CFAP47: variants seen among roughly 807,000 people sequenced by gnomAD.
CFAP47 encodes cilia- and flagella-associated protein 47.
CFAP47 carries 29 observed loss-of-function variants against 148.1 expected under a neutral mutation model. That is an observed-to-expected ratio of 0.20 (90% CI 0.15 to 0.27). The LOEUF (loss-of-function observed/expected upper bound fraction) is 0.27, where lower values mean the gene tolerates loss of function less well. CFAP47 is among the 10% of genes least tolerant of loss of function. The pLI, the probability that CFAP47 is intolerant of heterozygous loss-of-function variation, is 1.00. For synonymous variants in CFAP47, 664 were observed against 577.3 expected (o/e 1.15, Z -2.15); for missense variants, 1,872 against 1,697.5 (o/e 1.10, Z -1.81).
chrX:35,982,076 T>C (rs1936653363), intron 15 of CFAP47, among the ~76,000 whole-genome samples: 3 of 112,016 alleles, frequency 2.7e-5, no homozygotes, highest in African/African-American at 6.5e-5. Context: ...TTTTAAATTA[T>C]TGGAGAAATA....
intron 44 of CFAP47, among the ~76,000 whole-genome samples, chrX:36,203,509 G>A (rs1940004831): frequency 1.8e-5 from 2 of 111,623 alleles, no homozygotes; most frequent in African/African-American, 6.5e-5. Flanking sequence ...TTGGAACGCA[G>A]CATATGTGTT....
intron 59 of CFAP47, among the ~76,000 whole-genome samples, 176 bp downstream of exon 59, chrX:36,350,308 A>G (rs1329636000): frequency 8.9e-6 from 1 of 111,778 alleles, no homozygotes; most frequent in African/African-American, 3.3e-5. Context: ...GTTTTCCACA[A>G]AACCACACTA....
At chrX:36,155,278 A>C (rs2146846007) in intron 37 of CFAP47, among the ~76,000 whole-genome samples, 1 of 111,581 alleles carries the variant, frequency 9.0e-6, no homozygotes, top group South Asian at 3.8e-4. Flanking sequence ...TTCCCTGTTA[A>C]AAGATTCGCT....
At chrX:36,334,790 C>T (rs1941591348) in intron 57 of CFAP47, among the ~76,000 whole-genome samples, 1 of 111,062 alleles carries the variant, frequency 9.0e-6, no homozygotes, top group African/African-American at 3.3e-5. Context: ...TAGGATATCA[C>T]ACTATCCTAG....
chrX:36,360,708 T>C (rs2064680755), intron 60 of CFAP47, among the ~76,000 whole-genome samples: 1 of 112,027 alleles, frequency 8.9e-6, no homozygotes, highest in South Asian at 3.7e-4. Context: ...ACATGCTAGC[T>C]CTGGATTTAA....
intron 27 of CFAP47, among the ~76,000 whole-genome samples, chrX:36,066,092 A>G (rs1027168049): frequency 8.9e-6 from 1 of 111,882 alleles, no homozygotes; most frequent in African/African-American, 3.2e-5. Flanking sequence ...AAAGGGAACA[A>G]TTCTTGGGAT....
chrX:35,996,242 T>C (rs1302074346), intron 18 of CFAP47, among the ~76,000 whole-genome samples: 2 of 111,450 alleles, frequency 1.8e-5, no homozygotes, highest in African/African-American at 6.5e-5. Flanking sequence ...CACATCAATT[T>C]GTAATTTTCT....
intron 62 of CFAP47, among the ~76,000 whole-genome samples, chrX:36,369,351 A>G (rs1042766582): frequency 1.8e-5 from 2 of 111,115 alleles, no homozygotes; most frequent in African/African-American, 6.5e-5. Flanking sequence ...AAATCTCAAT[A>G]GGGTATTTTC....
intron 35 of CFAP47, chrX:36,144,506 G>A (rs1405303851): frequency 2.1e-6 from 2 of 969,313 alleles, no homozygotes; most frequent in African/African-American, 2.0e-5. Flanking sequence ...AATATTAGGT[G>A]TCAACTTGAC....
chrX:36,054,293 C>T (rs1338581064), intron 26 of CFAP47, among the ~76,000 whole-genome samples: 2 of 112,133 alleles, frequency 1.8e-5, no homozygotes, highest in Non-Finnish European at 3.8e-5. Context: ...ATTAGTTATC[C>T]ATAAGTGTTG....
chrX:36,160,590 C>A (rs183785021), intron 38 of CFAP47, 91 bp from the exon 39 acceptor site: 6 of 270,939 alleles, frequency 2.2e-5, no homozygotes, highest in Non-Finnish European at 3.9e-5. Context: ...ATTAAATGGA[C>A]GGTTTATAGA....
At chrX:36,177,608 T>C (rs941833391) in intron 39 of CFAP47, among the ~76,000 whole-genome samples, 2 of 112,175 alleles carry the variant, frequency 1.8e-5, no homozygotes, top group Non-Finnish European at 3.8e-5. Context: ...AAGTTCACAG[T>C]TTACATTTTA....
intron 8 of CFAP47, among the ~76,000 whole-genome samples, chrX:35,965,625 T>G (rs889953897): frequency 1.3e-4 from 15 of 111,765 alleles, no homozygotes; most frequent in African/African-American, 4.9e-4. Flanking sequence ...TACTGAGAAG[T>G]TAAAAAAGTG....
At chrX:36,230,624 A>G (rs1255727399) in intron 46 of CFAP47, among the ~76,000 whole-genome samples, 42 of 109,174 alleles carry the variant, frequency 3.8e-4, no homozygotes, top group Non-Finnish European at 6.1e-4. Flanking sequence ...ATTAGATCCC[A>G]TTTGTCAATT....
At chrX:36,131,501 A>C (rs1255366762) in intron 33 of CFAP47, among the ~76,000 whole-genome samples, 2 of 111,566 alleles carry the variant, frequency 1.8e-5, no homozygotes, top group African/African-American at 3.2e-5. Flanking sequence ...AATATGATTC[A>C]ACAATTCCAC....
intron 56 of CFAP47, among the ~76,000 whole-genome samples, chrX:36,315,970 A>G (rs782221433): frequency 1.8e-5 from 2 of 111,601 alleles, no homozygotes; most frequent in East Asian, 5.6e-4. Flanking sequence ...TTGGCGTTAT[A>G]TCTGTTTTAA....
intron 40 of CFAP47, 131 bp from the exon 41 acceptor site, chrX:36,188,489 G>T: frequency 3.6e-6 from 1 of 280,825 alleles, no homozygotes; most frequent in Non-Finnish European, 6.3e-6. Context: ...TTTGAAATAT[G>T]TCTATGGTCT....
intron 21 of CFAP47, among the ~76,000 whole-genome samples, chrX:36,010,954 G>T (rs1937033041): frequency 9.0e-6 from 1 of 111,149 alleles, no homozygotes; most frequent in Admixed American, 9.5e-5. Flanking sequence ...TGTTTTGTTG[G>T]TTATTGAATA....
intron 21 of CFAP47, among the ~76,000 whole-genome samples, chrX:36,009,499 T>G (rs1721099062): frequency 8.9e-6 from 1 of 112,175 alleles, no homozygotes; most frequent in African/African-American, 3.2e-5. Context: ...ATACTACATC[T>G]TTATGCAATT....
Sources: allele counts gnomAD v4.1 joint callset (sites outside exome capture counted in the v4.1 genomes callset), GRCh38; gene constraint gnomAD v4.1.1; transcripts MANE v1.5; gene names NCBI Gene and HGNC (gene_info 2026-07-23, HGNC 2026-07-21).